TENM4: variants seen among roughly 807,000 people sequenced by gnomAD.
TENM4 encodes teneurin-4.
A neutral mutation model predicts 243.3 loss-of-function variants in TENM4; 82 were observed. That is an observed-to-expected ratio of 0.34 (90% CI 0.28 to 0.40). The LOEUF is 0.40. TENM4 is among the 10% of genes least tolerant of loss of function. The pLI is 1.00. For synonymous variants in TENM4, 1,412 were observed against 1,456.3 expected (o/e 0.97, Z 0.69); for missense variants, 3,138 against 3,673.3 (o/e 0.85, Z 3.77).
chr11:79,221,836 T>A (rs1384334005), intron 2 of TENM4, among the ~76,000 whole-genome samples: 1 of 152,220 alleles, frequency 6.6e-6, no homozygotes, highest in African/African-American at 2.4e-5. Flanking sequence ...GTTGTTTTTT[T>A]TCTTTTTTTA....
chr11:78,720,250 C>A, intron 25 of TENM4, 120 bp downstream of exon 25: 1 of 1,167,900 alleles, frequency 8.6e-7, no homozygotes, highest in Non-Finnish European at 1.3e-6. Context: ...TTACCCCAAT[C>A]AGTTCCAATC....
intron 6 of TENM4, among the ~76,000 whole-genome samples, chr11:78,953,668 G>A (rs1857151474): frequency 6.6e-6 from 1 of 152,158 alleles, no homozygotes; most frequent in African/African-American, 2.4e-5. Flanking sequence ...ACATTGTTAA[G>A]TATTATAAGT....
At chr11:78,886,716 A>T (rs1169479221) in intron 9 of TENM4, among the ~76,000 whole-genome samples, 1 of 152,226 alleles carries the variant, frequency 6.6e-6, no homozygotes, top group Non-Finnish European at 1.5e-5. Flanking sequence ...TCCAGGAAAC[A>T]AAGGGAATGC....
At chr11:79,137,070 C>A (rs1205603826) in intron 4 of TENM4, among the ~76,000 whole-genome samples, 9 of 152,148 alleles carry the variant, frequency 5.9e-5, no homozygotes, top group African/African-American at 2.2e-4. Context: ...ACCATTACCC[C>A]TGGTGATCCA....
intron 29 of TENM4, among the ~76,000 whole-genome samples, chr11:78,683,322 G>A (rs570296091): frequency 1.3e-5 from 1 of 74,328 alleles, no homozygotes; most frequent in South Asian, 3.1e-4. Flanking sequence ...CGAGCTTCGC[G>A]GCTGCTTTGT....
intron 1 of TENM4, among the ~76,000 whole-genome samples, chr11:79,427,216 A>T (rs891739935): frequency 3.3e-5 from 5 of 152,210 alleles, no homozygotes; most frequent in African/African-American, 9.6e-5. Flanking sequence ...CCCATCACGG[A>T]TCAGCACATT....
intron 28 of TENM4, among the ~76,000 whole-genome samples, chr11:78,694,850 C>G (rs1288574432): frequency 2.0e-5 from 3 of 152,174 alleles, no homozygotes; most frequent in Non-Finnish European, 4.4e-5. Context: ...AGTGCCGAAT[C>G]TCTAACAGTG....
intron 4 of TENM4, among the ~76,000 whole-genome samples, chr11:79,102,728 C>A (rs1861266409): frequency 6.6e-6 from 1 of 152,256 alleles, no homozygotes; most frequent in Non-Finnish European, 1.5e-5. Context: ...GACTTTCTGT[C>A]ACAATACACA....
At chr11:78,859,881 G>A (rs1429016981) in intron 10 of TENM4, among the ~76,000 whole-genome samples, 1 of 152,224 alleles carries the variant, frequency 6.6e-6, no homozygotes, top group African/African-American at 2.4e-5. Flanking sequence ...CATCAGAAAT[G>A]CCTGTTTATT....
At chr11:79,273,040 C>A (rs1458588926) in intron 2 of TENM4, among the ~76,000 whole-genome samples, 1 of 152,168 alleles carries the variant, frequency 6.6e-6, no homozygotes, top group East Asian at 1.9e-4. Flanking sequence ...TACACTTACC[C>A]AAAAGAGCAC....
chr11:78,736,479 T>TGTGTGTGTGCGTGC (rs796898751), intron 20 of TENM4, among the ~76,000 whole-genome samples: 20 of 99,334 alleles, frequency 2.0e-4, no homozygotes, highest in African/African-American at 5.9e-4. Context: ...TGTGTGTGTG[T>TGTGTGTGTGCGTGC]GCGCGCGCGT....
intron 2 of TENM4, among the ~76,000 whole-genome samples, chr11:79,286,604 G>A (rs1479976775): frequency 2.0e-5 from 3 of 152,086 alleles, no homozygotes; most frequent in Non-Finnish European, 4.4e-5. Context: ...AGGAGGCAGA[G>A]GTTGCAGTGA....
chr11:79,250,177 G>C (rs539286272), intron 2 of TENM4, among the ~76,000 whole-genome samples: 5 of 152,228 alleles, frequency 3.3e-5, no homozygotes, highest in African/African-American at 1.2e-4. Context: ...AGTAGAGACA[G>C]GTTTTCACCA....
Position 78,805,282 on chromosome 11 carries a change from C to CCCCCCCACCCCCCCCCCCCCCAAA in TENM4, c.2179+9_2179+10insTTTGGGGGGGGGGGGGGTGGGGGG. ...CCCTCTACCCATGCTTCTTCTCCCC[C>CCCCCCCACCCCCCCCCCCCCCAAA]TGCATTTACCGATAGAACAGTCGTG... On this transcript the variant is annotated intron_variant, in intron 15 of 33. Transcript: ENST00000278550. The CCCCCCCACCCCCCCCCCCCCCAAA allele has an allele frequency of 1.0e-6, 1 of 995,568 alleles. No homozygotes were observed. Among genetic ancestry groups the CCCCCCCACCCCCCCCCCCCCCAAA allele is most frequent in the Non-Finnish European group, 1.2e-6 (1 of 823,790 alleles). The allele number at this position is 995,568 out of a possible 1,614,324, so 61.7% of individuals were successfully genotyped here. A position where few individuals can be genotyped will look rare whatever the true frequency, so the allele number is the denominator to read the frequency against.
At chr11:78,702,601 T>G (rs972315833) in intron 27 of TENM4, among the ~76,000 whole-genome samples, 198 bp from the exon 28 acceptor site, 1 of 152,056 alleles carries the variant, frequency 6.6e-6, no homozygotes, top group Admixed American at 6.6e-5. Flanking sequence ...CACTGAGACA[T>G]GTGATGGTCT....
chr11:79,137,999 G>T (rs527835459), intron 4 of TENM4, among the ~76,000 whole-genome samples: 3 of 151,932 alleles, frequency 2.0e-5, no homozygotes, highest in South Asian at 4.2e-4. Context: ...GTGTGTGAGG[G>T]TGTTGCCAAA....
intron 6 of TENM4, among the ~76,000 whole-genome samples, chr11:78,996,685 G>C (rs539084184): frequency 6.6e-6 from 1 of 152,214 alleles, no homozygotes; most frequent in Non-Finnish European, 1.5e-5. Flanking sequence ...CCCAAGCAGT[G>C]CTGCTTTGGG....
chr11:78,847,600 C>T (rs1222479656), intron 12 of TENM4, among the ~76,000 whole-genome samples: 1 of 152,208 alleles, frequency 6.6e-6, no homozygotes, highest in Non-Finnish European at 1.5e-5. Context: ...ATCACTGTAT[C>T]AGGGAGAGGT....
rs1861529285 is a variant in TENM4 at position 79,112,512 on chromosome 11, G to A, written c.-66+36198C>T. 5.3e-5 allele frequency among the ~76,000 whole-genome samples: 8 copies of A among 152,146 alleles called. No individual in the cohort carries two copies. The South Asian group carries it at 1.7e-3, about 32-fold the overall frequency. ...TGGAGTTAGGGTGAGAGGTAGGTGG[G>A]TGGGAGATGGACAGGGAGGTTGTCT... is the stretch of plus-strand genomic sequence containing the variant. On this transcript the variant is annotated intron_variant, in intron 4 of 33. Coordinates refer to ENST00000278550, the MANE Select transcript of TENM4 (RefSeq NM_001098816.3).
Sources: gnomAD v4.1 joint callset for allele counts (sites outside exome capture counted in the v4.1 genomes callset) on GRCh38, gnomAD v4.1.1 for gene constraint, MANE v1.5 for transcripts, NCBI Gene and HGNC (gene_info 2026-07-23, HGNC 2026-07-21) for gene names.